SOX5: variants seen among roughly 807,000 people sequenced by gnomAD.
SOX5 encodes SRY-box transcription factor 5.
In SOX5, 9 loss-of-function variants were observed where a neutral mutation model predicts 92.0. The ratio of observed to expected loss-of-function variants is 0.10; its 90% CI spans 0.06 to 0.17. SOX5 has a LOEUF of 0.17. Among genes scored for constraint, SOX5 ranks in the 10% least tolerant of loss-of-function variants. The probability of loss-of-function intolerance (pLI) is 1.00; values close to 1 mark genes in which losing one functional copy is unlikely to be tolerated. For synonymous variants in SOX5, 344 were observed against 336.3 expected (o/e 1.02, Z -0.25); for missense variants, 642 against 944.5 (o/e 0.68, Z 4.20).
chr12:23,556,970 C>A (rs568713320), intron 11 of SOX5, among the ~76,000 whole-genome samples: 1 of 152,316 alleles, frequency 6.6e-6, no homozygotes, highest in Non-Finnish European at 1.5e-5. Context: ...GGCTGCCATC[C>A]GATACACTTA....
At chr12:24,188,439 A>C (rs1956218317) in intron 4 of SOX5, among the ~76,000 whole-genome samples, 1 of 152,158 alleles carries the variant, frequency 6.6e-6, no homozygotes, top group Non-Finnish European at 1.5e-5. Flanking sequence ...GTATTTATTC[A>C]ATACTTAAAT....
At chr12:23,610,423 C>T (rs1317156789) in intron 8 of SOX5, among the ~76,000 whole-genome samples, 1 of 152,096 alleles carries the variant, frequency 6.6e-6, no homozygotes, top group Non-Finnish European at 1.5e-5. Context: ...TGCCCCAAAC[C>T]ATTTACTGAC....
At position 23,738,407 on chromosome 12, in the gene SOX5, C is replaced by T. The variant is rs111320542; in HGVS notation, c.741+2460G>A. 5.0e-3 allele frequency: 761 copies of T among 152,260 alleles called. 4 individuals are homozygous for T. The highest frequency in any genetic ancestry group is 0.017 in the African/African-American group (719 of 41,552). The allele number at this position is 152,260 out of a possible 1,614,324, so 9.4% of individuals were successfully genotyped here. A position where few individuals can be genotyped will look rare whatever the true frequency, so the allele number is the denominator to read the frequency against. On this transcript the variant is annotated intron_variant, in intron 5 of 14. Coordinates refer to ENST00000451604, the MANE Select transcript of SOX5 (RefSeq NM_006940.6). The stretch of plus-strand genomic sequence containing the variant: ...ATGCCTGCCATGTATGGTAGAGAAG[C>T]GCTGGGAGAGCTGAATGGGCTCTAG...
At chr12:24,431,572 A>G (rs1380960911) in intron 1 of SOX5, among the ~76,000 whole-genome samples, 1 of 149,688 alleles carries the variant, frequency 6.7e-6, no homozygotes, top group Non-Finnish European at 1.5e-5. Flanking sequence ...AACAGTTACC[A>G]TGAGATCTAC....
chr12:23,850,444 A>G (rs1403281357), intron 2 of SOX5, among the ~76,000 whole-genome samples: 1 of 112,324 alleles, frequency 8.9e-6, no homozygotes, highest in Non-Finnish European at 1.7e-5. Flanking sequence ...AAAAATAAAT[A>G]AATAAATAAA....
chr12:23,800,870 T>C (rs1190266695), intron 3 of SOX5, among the ~76,000 whole-genome samples: 2 of 152,076 alleles, frequency 1.3e-5, no homozygotes, highest in East Asian at 1.9e-4. Flanking sequence ...AATCCTACCT[T>C]ATAGGATTGC....
chr12:23,797,545 T>C (rs190803846), intron 3 of SOX5, among the ~76,000 whole-genome samples: 261 of 152,054 alleles, frequency 1.7e-3, no homozygotes, highest in Non-Finnish European at 2.7e-3. Context: ...ATCCATATCC[T>C]TAGAGTAGGT....
intron 2 of SOX5, among the ~76,000 whole-genome samples, chr12:24,306,860 G>T (rs920002866): frequency 5.3e-5 from 8 of 152,242 alleles, no homozygotes; most frequent in Admixed American, 3.3e-4. Flanking sequence ...GGGCAAGGCA[G>T]CTACTATGAG....
chr12:24,381,070 G>A (rs1411222502), intron 1 of SOX5, among the ~76,000 whole-genome samples: 2 of 152,182 alleles, frequency 1.3e-5, no homozygotes, highest in South Asian at 2.1e-4. Context: ...TGTGGCCTAC[G>A]GAGGGCATGC....
intron 1 of SOX5, among the ~76,000 whole-genome samples, chr12:24,531,219 G>GA (rs982277718): frequency 1.8e-4 from 27 of 150,802 alleles, no homozygotes; most frequent in East Asian, 3.9e-4. Context: ...CATTAAGCAG[G>GA]AAAAAAAAAT....
intron 1 of SOX5, among the ~76,000 whole-genome samples, chr12:24,426,226 A>AAAC (rs1966745813): frequency 6.6e-6 from 1 of 151,540 alleles, no homozygotes; most frequent in South Asian, 2.1e-4. Context: ...AACAAACAAA[A>AAAC]AAAACACTGC....
At position 24,098,008 on chromosome 12, in the gene SOX5, T is replaced by C. The variant is rs770995748; in HGVS notation, c.-2+115335A>G. Among the ~76,000 whole-genome samples the C allele has an allele frequency of 5.9e-4, 90 of 152,308 alleles. 1 individual carries two copies. Among genetic ancestry groups the C allele is most frequent in the Middle Eastern group, 3.4e-3 (1 of 294 alleles). ...GTCACATCTATGATCTTCCACGGTT[T>C]CCTACTTTACCAACTTATTTCATTA... On this transcript the variant is annotated intron_variant, in intron 4 of 4. Coordinates refer to the SOX5 transcript ENST00000446891.
intron 3 of SOX5, among the ~76,000 whole-genome samples, chr12:24,270,974 C>A (rs757368501): frequency 1.3e-5 from 2 of 152,200 alleles, no homozygotes; most frequent in Non-Finnish European, 2.9e-5. Flanking sequence ...CTCATGTAAA[C>A]CATCTTGTAG....
chr12:23,769,400 A>T (rs575851700), intron 3 of SOX5, among the ~76,000 whole-genome samples: 6 of 151,938 alleles, frequency 3.9e-5, no homozygotes, highest in Non-Finnish European at 5.9e-5. Context: ...TTTATTTCAC[A>T]CTATTTGAAT....
intron 1 of SOX5, among the ~76,000 whole-genome samples, chr12:24,432,852 T>TAC (rs35695644): frequency 0.011 from 1,651 of 150,646 alleles, 13 homozygotes; most frequent in Middle Eastern, 0.021. Flanking sequence ...AGGTGTAAAA[T>TAC]ACACACACAC....
At chr12:24,279,314 A>C (rs555011631) in intron 2 of SOX5, among the ~76,000 whole-genome samples, 1 of 152,238 alleles carries the variant, frequency 6.6e-6, no homozygotes, top group East Asian at 1.9e-4. Flanking sequence ...GCCTGAGAGA[A>C]AATTCTTTTT....
At chr12:23,923,998 T>C (rs1396395188) in intron 1 of SOX5, among the ~76,000 whole-genome samples, 1 of 152,218 alleles carries the variant, frequency 6.6e-6, no homozygotes, top group Non-Finnish European at 1.5e-5. Flanking sequence ...TTGTGATGCT[T>C]ATATAAACCT....
intron 4 of SOX5, among the ~76,000 whole-genome samples, chr12:23,983,823 T>G (rs1184046194): frequency 6.6e-6 from 1 of 152,148 alleles, no homozygotes; most frequent in Non-Finnish European, 1.5e-5. Flanking sequence ...GGAGGATATT[T>G]TCAAGATAAA....
chr12:24,147,672 T>G (rs1303665752), intron 4 of SOX5, among the ~76,000 whole-genome samples: 1 of 152,206 alleles, frequency 6.6e-6, no homozygotes, highest in African/African-American at 2.4e-5. Flanking sequence ...AAAATCTGAC[T>G]GAATTTACAA....
Sources: allele counts gnomAD v4.1 joint callset (sites outside exome capture counted in the v4.1 genomes callset), GRCh38; gene constraint gnomAD v4.1.1; transcripts MANE v1.5; gene names NCBI Gene and HGNC (gene_info 2026-07-23, HGNC 2026-07-21).